The following DTNB variants were observed in gnomAD, a reference collection of about 807,000 sequenced individuals.
The protein encoded by DTNB is dystrobrevin beta.
DTNB carries 63 observed loss-of-function variants against 90.7 expected under a neutral mutation model. The observed-to-expected ratio is 0.69, with a 90% CI of 0.57 to 0.86. The LOEUF is 0.86. DTNB is among the 40% of genes least tolerant of loss of function. The pLI is 0.00. For synonymous variants in DTNB, 277 were observed against 286.7 expected, an observed-to-expected ratio of 0.97 and a Z score of 0.34; for missense variants, 744 against 807.1, an observed-to-expected ratio of 0.92 and a Z score of 0.95.
In DTNB at chr2:25,633,465, G is replaced by A. The variant is rs925165094; in HGVS notation, c.149-5081C>T. 2.0e-5 allele frequency among the ~76,000 whole-genome samples: 3 copies of A among 152,202 alleles called. 1 individual carries two copies. In the South Asian group the frequency reaches 6.2e-4, roughly 32 times the overall value. On this transcript the variant is annotated intron_variant, in intron 3 of 20. Transcript: ENST00000406818. ...GCAGACGGAGTCTGGTTCACTCAGC[G>A]CTCAATGGTGCCCAGGCTGGAGTGC...
chr2:25,470,369 ATTT>A (rs71397496), intron 10 of DTNB, among the ~76,000 whole-genome samples: 7 of 132,756 alleles, frequency 5.3e-5, no homozygotes, highest in Non-Finnish European at 4.9e-5. Context: ...TTACACGACA[ATTT>A]TTTTTTTTTT....
intron 12 of DTNB, among the ~76,000 whole-genome samples, chr2:25,445,920 G>T (rs1418745181): frequency 5.8e-5 from 8 of 137,070 alleles, no homozygotes; most frequent in African/African-American, 1.1e-4. Context: ...ACCCTGGGTA[G>T]TTTTTTTTTT....
At chr2:25,658,030 G>A (rs2082399839) in intron 1 of DTNB, among the ~76,000 whole-genome samples, 1 of 152,098 alleles carries the variant, frequency 6.6e-6, no homozygotes, top group African/African-American at 2.4e-5. Flanking sequence ...GCCGAGGTGG[G>A]TGGATCATCT....
intron 11 of DTNB, 96 bp from the exon 12 acceptor site, chr2:25,451,731 G>T (rs952995072): frequency 1.6e-6 from 2 of 1,232,038 alleles, no homozygotes; most frequent in East Asian, 2.8e-5. Context: ...GCTCATAAAA[G>T]AATGGTAATA....
chr2:25,672,027 A>G (rs755155631), intron 1 of DTNB, among the ~76,000 whole-genome samples: 4 of 152,024 alleles, frequency 2.6e-5, no homozygotes, highest in Non-Finnish European at 4.4e-5. Flanking sequence ...GAAAAAGCCA[A>G]TGGGAGAAGG....
chr2:25,380,512 C>A (rs909651387), intron 19 of DTNB, among the ~76,000 whole-genome samples: 1 of 152,226 alleles, frequency 6.6e-6, no homozygotes, highest in African/African-American at 2.4e-5. Context: ...AGGGATGACA[C>A]CAGAAAGTCA....
intron 10 of DTNB, among the ~76,000 whole-genome samples, chr2:25,468,963 G>C (rs1290871962): frequency 6.6e-6 from 1 of 152,192 alleles, no homozygotes; most frequent in Non-Finnish European, 1.5e-5. Flanking sequence ...TAAATATTTA[G>C]TTGTACTGAG....
chr2:25,612,659 A>G (rs536480486), intron 4 of DTNB, among the ~76,000 whole-genome samples: 20 of 152,264 alleles, frequency 1.3e-4, no homozygotes, highest in African/African-American at 4.3e-4. Context: ...GAATGGATCA[A>G]TAACAATAGA....
chr2:25,520,565 T>C (rs901181040), intron 9 of DTNB, among the ~76,000 whole-genome samples: 21 of 152,362 alleles, frequency 1.4e-4, no homozygotes, highest in Admixed American at 8.5e-4. Context: ...GGGTTACAAA[T>C]GGTCTTATAT....
At chr2:25,577,549 T>A (rs1019391212) in intron 7 of DTNB, among the ~76,000 whole-genome samples, 1 of 151,314 alleles carries the variant, frequency 6.6e-6, no homozygotes, top group Admixed American at 6.6e-5. Flanking sequence ...GAAAAAAAAA[T>A]TCAACACAGA....
intron 9 of DTNB, among the ~76,000 whole-genome samples, chr2:25,491,804 T>C (rs2067566319): frequency 6.6e-6 from 1 of 151,996 alleles, no homozygotes; most frequent in Admixed American, 6.6e-5. Context: ...GAGTGCTTCC[T>C]ATACGGCAGA....
intron 6 of DTNB, among the ~76,000 whole-genome samples, chr2:25,588,186 TA>T (rs556875844): frequency 2.4e-3 from 350 of 144,206 alleles, no homozygotes; most frequent in Middle Eastern, 3.5e-3. Flanking sequence ...AAAGCCTCCT[TA>T]AAAAAAAAAA....
chr2:25,456,175 T>C (rs1008646119), intron 10 of DTNB, among the ~76,000 whole-genome samples: 8 of 152,136 alleles, frequency 5.3e-5, no homozygotes. Flanking sequence ...TAAAATAGAG[T>C]AATCTAATGA....
At chr2:25,566,034 A>C (rs747514268) in intron 8 of DTNB, among the ~76,000 whole-genome samples, 1 of 152,216 alleles carries the variant, frequency 6.6e-6, no homozygotes, top group Non-Finnish European at 1.5e-5. Context: ...ATTATGTTAT[A>C]AGGCAAAAGG....
chr2:25,554,073 C>A (rs1346354377), intron 8 of DTNB, among the ~76,000 whole-genome samples: 1 of 152,058 alleles, frequency 6.6e-6, no homozygotes, highest in Non-Finnish European at 1.5e-5. Flanking sequence ...AGAAGGGTAT[C>A]CTTGAAATAC....
At chr2:25,437,975 C>T (rs566182559) in intron 12 of DTNB, among the ~76,000 whole-genome samples, 7 of 152,206 alleles carry the variant, frequency 4.6e-5, no homozygotes, top group South Asian at 2.1e-4. Context: ...AACAGTGAAC[C>T]GGGACAGAAA....
intron 19 of DTNB, among the ~76,000 whole-genome samples, chr2:25,380,261 G>C (rs1447293654): frequency 6.6e-6 from 1 of 152,212 alleles, no homozygotes; most frequent in Admixed American, 6.5e-5. Flanking sequence ...CTTTACGGTT[G>C]ACAGTTACAG....
At position 25,580,707 on chromosome 2, in the gene DTNB, A is replaced by C. The variant is rs767575138; in HGVS notation, c.709+14T>G. 2 of 1,609,788 alleles carry C rather than the reference A, an allele frequency of 1.2e-6. No individual in the cohort carries two copies. Among genetic ancestry groups the C allele is most frequent in the Non-Finnish European group, 1.7e-6 (2 of 1,176,268 alleles). Reference sequence around the variant, plus strand: ...CTATAGCATGCGGAATTGAACAATAAAAGTTCTGCTTACCATTCTCAACAT... The same window carrying C: ...CTATAGCATGCGGAATTGAACAATACAAGTTCTGCTTACCATTCTCAACAT... On this transcript the variant is annotated intron_variant, in intron 7 of 20. Transcript: ENST00000406818.
At chr2:25,608,398 T>C (rs72797661) in intron 4 of DTNB, among the ~76,000 whole-genome samples, 490 of 152,370 alleles carry the variant, frequency 3.2e-3, no homozygotes, top group Non-Finnish European at 5.4e-3. Context: ...TATCAATATT[T>C]GTTACAGTTG....
Sources: allele counts gnomAD v4.1 joint callset (sites outside exome capture counted in the v4.1 genomes callset), GRCh38; gene constraint gnomAD v4.1.1; transcripts MANE v1.5; gene names NCBI Gene and HGNC (gene_info 2026-07-23, HGNC 2026-07-21).